KCNG3: variants seen among roughly 807,000 people sequenced by gnomAD.
KCNG3 encodes the protein voltage-gated potassium channel regulatory subunit KCNG3.
Under a neutral mutation model 29.0 loss-of-function variants are expected in KCNG3, and 15 were observed. The ratio of observed to expected loss-of-function variants is 0.52; its 90% confidence interval spans 0.35 to 0.80. KCNG3 has a LOEUF of 0.80. Ranked by LOEUF, KCNG3 falls within the 30% of genes least tolerant of loss-of-function variation. KCNG3 has a pLI of 0.01. For missense variants in KCNG3, 512 were observed against 605.7 expected (o/e 0.85, Z 1.62); for synonymous variants, 322 against 248.9 (o/e 1.29, Z -2.76).
chr2:42,484,445 A>G (rs1673670472), intron 1 of KCNG3, among the ~76,000 whole-genome samples: 1 of 152,218 alleles, frequency 6.6e-6, no homozygotes, highest in African/African-American at 2.4e-5. Context: ...CTGGCAACAG[A>G]GCGAGACTCC....
intron 1 of KCNG3, among the ~76,000 whole-genome samples, chr2:42,461,057 A>T (rs1673004051): frequency 6.6e-6 from 1 of 151,672 alleles, no homozygotes; most frequent in African/African-American, 2.4e-5. Flanking sequence ...GCTACTCGGG[A>T]GGCTGAGGCA....
At position 42,457,666 on chromosome 2, in the gene KCNG3, C is replaced by CAA. The variant is rs1405925929; in HGVS notation, c.666-13088_666-13087insTT. The stretch of plus-strand genomic sequence containing the variant: ...ACACACACACACACACACACACACA[C>CAA]ACAAGGCTGGGCGCAGTGGCTCACA... On this transcript the variant is annotated intron_variant, in intron 1 of 1. Transcript: ENST00000306078. Among the ~76,000 whole-genome samples the CAA allele has an allele frequency of 3.3e-5, 5 of 149,798 alleles. No homozygotes were observed. In the East Asian group the frequency reaches 9.9e-4, roughly 30 times the overall value.
At chr2:42,458,509 C>T (rs1672933764) in intron 1 of KCNG3, among the ~76,000 whole-genome samples, 1 of 151,734 alleles carries the variant, frequency 6.6e-6, no homozygotes, top group African/African-American at 2.4e-5. Context: ...AATGCAAAGG[C>T]AACAATACCT....
At chr2:42,482,871 A>C (rs1673624500) in intron 1 of KCNG3, among the ~76,000 whole-genome samples, 1 of 152,190 alleles carries the variant, frequency 6.6e-6, no homozygotes. Flanking sequence ...CTATAATCCC[A>C]ACACTTTGGG....
intron 1 of KCNG3, among the ~76,000 whole-genome samples, chr2:42,485,563 G>C (rs574631577): frequency 1.3e-5 from 2 of 152,044 alleles, no homozygotes; most frequent in African/African-American, 4.8e-5. Context: ...TCCCACCTCA[G>C]CCTCCCGAGT....
the KCNG3 span, among the ~76,000 whole-genome samples, chr2:42,420,093 G>A: frequency 3.9e-5 from 6 of 151,952 alleles, no homozygotes; most frequent in African/African-American, 9.7e-5. Flanking sequence ...GCATGGTGGC[G>A]GGCCCCTATA....
intron 1 of KCNG3, among the ~76,000 whole-genome samples, chr2:42,473,651 T>A (rs1219444324): frequency 5.9e-5 from 9 of 152,074 alleles, no homozygotes; most frequent in Non-Finnish European, 1.5e-5. Flanking sequence ...TAGCTGGCTG[T>A]AAAGCATGTG....
At chr2:42,424,217 G>A in the KCNG3 span, among the ~76,000 whole-genome samples, 3 of 152,118 alleles carry the variant, frequency 2.0e-5, no homozygotes, top group Non-Finnish European at 4.4e-5. Context: ...TCTTGTAGCT[G>A]AGTGCCAAAA....
chr2:42,452,243 A>ATATATATATATATATATTTTT, intron 1 of KCNG3, among the ~76,000 whole-genome samples: 52 of 95,024 alleles, frequency 5.5e-4, no homozygotes, highest in East Asian at 1.8e-3. Context: ...ATATATATAT[A>ATATATATATATATATATTTTT]TTTTTTTTTT....
chr2:42,436,437 T>C, the KCNG3 span, among the ~76,000 whole-genome samples: 4 of 152,232 alleles, frequency 2.6e-5, no homozygotes, highest in African/African-American at 9.6e-5. Context: ...CATATTTATT[T>C]AGTTCCATTT....
intron 1 of KCNG3, among the ~76,000 whole-genome samples, chr2:42,487,879 C>A (rs1673767952): frequency 6.6e-6 from 1 of 152,204 alleles, no homozygotes. Context: ...TATGGGCCAT[C>A]TCTACAGTAG....
rs556261415 is a variant in KCNG3 at position 42,449,861 on chromosome 2, T to C, written c.666-5282A>G. Among the ~76,000 whole-genome samples, 8 of 152,288 alleles carry C rather than the reference T, an allele frequency of 5.3e-5. No individual in the cohort carries two copies. The South Asian group carries it at 1.0e-3, about 20-fold the overall frequency. On this transcript the variant is annotated intron_variant, in intron 1 of 1. Coordinates refer to ENST00000306078, the MANE Select transcript of KCNG3 (RefSeq NM_133329.6). ...CAGGAGCACGCAGCAGTGATAATAA[T>C]AGTTTCCTTAGATTGGCTTGTGGGT...
intron 1 of KCNG3, among the ~76,000 whole-genome samples, chr2:42,445,779 T>C (rs915503228): frequency 6.6e-6 from 1 of 151,854 alleles, no homozygotes; most frequent in Non-Finnish European, 1.5e-5. Flanking sequence ...CAGGCTGGAG[T>C]GCAGTGGCAC....
chr2:42,403,693 G>A, the KCNG3 span, among the ~76,000 whole-genome samples: 1 of 147,112 alleles, frequency 6.8e-6, no homozygotes, highest in Non-Finnish European at 1.5e-5. Context: ...TTGAACTCCT[G>A]ATCTCAAGTG....
chr2:42,430,556 G>A, the KCNG3 span, among the ~76,000 whole-genome samples: 9 of 152,120 alleles, frequency 5.9e-5, no homozygotes, highest in African/African-American at 2.2e-4. Flanking sequence ...TTTGAGACCA[G>A]CCTGGGCAAC....
the KCNG3 span, among the ~76,000 whole-genome samples, chr2:42,401,253 GTATAA>G: frequency 8.1e-3 from 1,209 of 149,590 alleles, 19 homozygotes; most frequent in African/African-American, 0.028. Context: ...ATGTATATAT[GTATAA>G]TATGTGTATA....
At chr2:42,488,974 C>G (rs1053622391) in intron 1 of KCNG3, among the ~76,000 whole-genome samples, 13 of 152,032 alleles carry the variant, frequency 8.6e-5, no homozygotes, top group African/African-American at 3.1e-4. Context: ...GGAGAAATGA[C>G]AACTCTGGCA....
chr2:42,449,782 A>G (rs891164539), intron 1 of KCNG3, among the ~76,000 whole-genome samples: 2 of 152,200 alleles, frequency 1.3e-5, no homozygotes, highest in Non-Finnish European at 2.9e-5. Flanking sequence ...TATCTTAGGT[A>G]GTAAACTGGT....
chr2:42,473,115 C>G (rs1333347959), intron 1 of KCNG3, among the ~76,000 whole-genome samples: 1 of 151,552 alleles, frequency 6.6e-6, no homozygotes, highest in Non-Finnish European at 1.5e-5. Flanking sequence ...CCCAGATGGT[C>G]TCCATCTCCT....
Sources: gnomAD v4.1 joint callset for allele counts (sites outside exome capture counted in the v4.1 genomes callset) on GRCh38, gnomAD v4.1.1 for gene constraint, MANE v1.5 for transcripts, NCBI Gene and HGNC (gene_info 2026-07-23, HGNC 2026-07-21) for gene names.